HMGCLL1: variants seen among roughly 807,000 people sequenced by gnomAD.
HMGCLL1 encodes 3-hydroxymethyl-3-methylglutaryl-CoA lyase, cytoplasmic.
In HMGCLL1, 36 loss-of-function variants were observed where a neutral mutation model predicts 39.1. The ratio of observed to expected loss-of-function variants is 0.92; its 90% CI spans 0.71 to 1.22. The LOEUF (loss-of-function observed/expected upper bound fraction) is 1.22, where lower values mean the gene tolerates loss of function less well. Among genes scored for constraint, HMGCLL1 ranks in the 50% most tolerant of loss-of-function variants. The pLI, the probability that HMGCLL1 is intolerant of heterozygous loss-of-function variation, is 0.00. For missense variants in HMGCLL1, 451 were observed against 416.5 expected, an observed-to-expected ratio of 1.08 and a Z score of -0.72; for synonymous variants, 149 against 144.0, an observed-to-expected ratio of 1.03 and a Z score of -0.25.
chr6:55,466,248 T>C (rs903095924), intron 7 of HMGCLL1, among the ~76,000 whole-genome samples: 4 of 152,018 alleles, frequency 2.6e-5, no homozygotes, highest in African/African-American at 7.2e-5. Context: ...AACATGGTTT[T>C]GTAGGAAGCT....
chr6:55,548,805 G>T (rs1379867785), intron 1 of HMGCLL1, among the ~76,000 whole-genome samples: 1 of 149,752 alleles, frequency 6.7e-6, no homozygotes, highest in African/African-American at 2.5e-5. Flanking sequence ...TAGAGAAAAT[G>T]AAGAATATTA....
rs1310603886 is a variant in HMGCLL1 at position 55,446,261 on chromosome 6, CAT to C, written c.796-6704_796-6703del. Among the ~76,000 whole-genome samples the C allele has an allele frequency of 4.1e-5, 6 of 148,014 alleles. No individual in the cohort carries two copies. In the East Asian group the frequency reaches 7.8e-4, roughly 19 times the overall value. ...ATATATTCATATATAACATATATAA[CAT>C]GTATATTTATAACATATTTATTTAA... On this transcript the variant is annotated intron_variant, in intron 7 of 8. Transcript: ENST00000274901.
chr6:55,587,709 A>C, the HMGCLL1 span, among the ~76,000 whole-genome samples: 2 of 152,132 alleles, frequency 1.3e-5, no homozygotes, highest in African/African-American at 4.8e-5. Context: ...ACGGAGGAAG[A>C]TCTATCAAGC....
At chr6:55,552,891 CA>C in intron 1 of HMGCLL1, among the ~76,000 whole-genome samples, 1 of 151,826 alleles carries the variant, frequency 6.6e-6, no homozygotes, top group East Asian at 1.9e-4. Flanking sequence ...CCTGTAATCC[CA>C]GCAATTTGGG....
chr6:55,598,442 C>G, the HMGCLL1 span, among the ~76,000 whole-genome samples: 1 of 152,122 alleles, frequency 6.6e-6, no homozygotes, highest in African/African-American at 2.4e-5. Context: ...ACACAGACTG[C>G]GTTGTACTCC....
chr6:55,457,488 A>T (rs1192565057), intron 7 of HMGCLL1, among the ~76,000 whole-genome samples: 1 of 152,208 alleles, frequency 6.6e-6, no homozygotes, highest in African/African-American at 2.4e-5. Context: ...TTTATTATAT[A>T]TTAGCCAGGA....
chr6:55,498,940 G>A (rs563468990), intron 6 of HMGCLL1, among the ~76,000 whole-genome samples: 1 of 152,006 alleles, frequency 6.6e-6, no homozygotes, highest in South Asian at 2.1e-4. Context: ...GATTGGAAAG[G>A]CCACTCACTA....
At chr6:55,526,957 T>G (rs181136571) in intron 3 of HMGCLL1, among the ~76,000 whole-genome samples, 1 of 151,990 alleles carries the variant, frequency 6.6e-6, no homozygotes, top group Non-Finnish European at 1.5e-5. Flanking sequence ...AAGTCTAACA[T>G]CAACAGAACT....
intron 7 of HMGCLL1, among the ~76,000 whole-genome samples, chr6:55,459,581 A>G (rs1764470771): frequency 6.6e-6 from 1 of 152,128 alleles, no homozygotes; most frequent in Non-Finnish European, 1.5e-5. Flanking sequence ...CCTGCTATGT[A>G]GCACAATTTG....
intron 1 of HMGCLL1, chr6:55,563,774 C>A (rs771620666): frequency 7.7e-5 from 59 of 764,094 alleles, no homozygotes; most frequent in Non-Finnish European, 1.1e-4. Context: ...ATTTTATTCT[C>A]CTTTCAAACA....
chr6:55,550,551 C>T (rs940219913), intron 1 of HMGCLL1, among the ~76,000 whole-genome samples: 1 of 151,906 alleles, frequency 6.6e-6, no homozygotes, highest in Non-Finnish European at 1.5e-5. Flanking sequence ...AATCCTTGTC[C>T]AGGAGACTGT....
At chr6:55,572,347 A>C (rs1233480766) in intron 1 of HMGCLL1, among the ~76,000 whole-genome samples, 1 of 152,288 alleles carries the variant, frequency 6.6e-6, no homozygotes, top group East Asian at 1.9e-4. Context: ...TTATAAAGGA[A>C]GTACTTTAAC....
chr6:55,600,447 C>T, the HMGCLL1 span, among the ~76,000 whole-genome samples: 1 of 152,050 alleles, frequency 6.6e-6, no homozygotes, highest in Non-Finnish European at 1.5e-5. Context: ...TCAGATATTT[C>T]TCATGACTAT....
intron 1 of HMGCLL1, among the ~76,000 whole-genome samples, chr6:55,567,044 T>C (rs904501632): frequency 6.6e-6 from 1 of 152,060 alleles, no homozygotes; most frequent in Non-Finnish European, 1.5e-5. Context: ...CTAAATAAAA[T>C]ATAGCCACAT....
chr6:55,627,662 C>T, the HMGCLL1 span, among the ~76,000 whole-genome samples: 3 of 149,786 alleles, frequency 2.0e-5, no homozygotes, highest in Admixed American at 6.8e-5. Flanking sequence ...TCTAATCAGC[C>T]TCCAGGGAAT....
intron 1 of HMGCLL1, among the ~76,000 whole-genome samples, chr6:55,550,026 A>G (rs1406061071): frequency 6.6e-6 from 1 of 151,972 alleles, no homozygotes; most frequent in Admixed American, 6.6e-5. Context: ...CATTTGCGTG[A>G]CTACAGACAC....
At chr6:55,491,948 G>A (rs1226614419) in intron 7 of HMGCLL1, among the ~76,000 whole-genome samples, 1 of 151,772 alleles carries the variant, frequency 6.6e-6, no homozygotes, top group Non-Finnish European at 1.5e-5. Context: ...ATAAAACCCA[G>A]GAACCCCAGA....
Position 55,579,058 on chromosome 6 carries a change from C to A in HMGCLL1, c.-3G>T. 6.2e-7 allele frequency: 1 copy of A among 1,601,168 alleles called. No homozygotes were observed. Among genetic ancestry groups the A allele is most frequent in the Non-Finnish European group, 8.5e-7 (1 of 1,170,846 alleles). On this transcript the variant is annotated 5_prime_UTR_variant, in exon 1 of 9. Transcript: ENST00000274901. ...ACCGCGGATGGCACATTCCCCATGG[C>A]GGAGCCTGGGGCGGCAGTCGGCGAG...
At chr6:55,648,735 A>G in the HMGCLL1 span, among the ~76,000 whole-genome samples, 1 of 75,920 alleles carries the variant, frequency 1.3e-5, no homozygotes, top group African/African-American at 5.4e-5. Context: ...TAGTTTACCA[A>G]CCAAAAAGAG....
Sources: gnomAD v4.1 joint callset for allele counts (sites outside exome capture counted in the v4.1 genomes callset) on GRCh38, gnomAD v4.1.1 for gene constraint, MANE v1.5 for transcripts, NCBI Gene and HGNC (gene_info 2026-07-23, HGNC 2026-07-21) for gene names.